Variants in DISC1 observed in about 807,000 individuals in gnomAD.
The protein encoded by DISC1 is disrupted in schizophrenia 1 protein.
A neutral mutation model predicts 84.5 loss-of-function variants in DISC1; 57 were observed. That is an observed-to-expected ratio of 0.67 (90% CI 0.55 to 0.84). The LOEUF is 0.84. DISC1 is among the 40% of genes least tolerant of loss of function. The probability of loss-of-function intolerance (pLI) is 0.00; values close to 1 mark genes in which losing one functional copy is unlikely to be tolerated. For synonymous variants in DISC1, 411 were observed against 415.2 expected (o/e 0.99, Z 0.12); for missense variants, 1,000 against 1,057.8 (o/e 0.95, Z 0.76).
chr1:231,975,411 T>C (rs138838133), intron 10 of DISC1, among the ~76,000 whole-genome samples: 137 of 152,278 alleles, frequency 9.0e-4, no homozygotes, highest in African/African-American at 3.2e-3. Context: ...GAAAACAGTA[T>C]GGGGATTTCT....
chr1:231,721,940 T>G (rs1573239392), intron 3 of DISC1, among the ~76,000 whole-genome samples: 1 of 151,956 alleles, frequency 6.6e-6, no homozygotes, highest in Non-Finnish European at 1.5e-5. Flanking sequence ...GATCATGAGG[T>G]CAGGAGATTG....
At chr1:231,886,766 C>CTTT (rs2086723179) in intron 9 of DISC1, among the ~76,000 whole-genome samples, 848 of 84,376 alleles carry the variant, frequency 0.01, 10 homozygotes, top group Middle Eastern at 0.02. Context: ...TTCCTTCCTT[C>CTTT]CTTTCTTTCT....
chr1:231,893,261 GA>G (rs986405324), intron 9 of DISC1, among the ~76,000 whole-genome samples: 5 of 151,150 alleles, frequency 3.3e-5, no homozygotes, highest in South Asian at 2.1e-4. Flanking sequence ...AGATAAGGTT[GA>G]AAAAAAAACT....
chr1:232,000,339 G>A (rs980189973), intron 10 of DISC1, among the ~76,000 whole-genome samples: 6 of 152,170 alleles, frequency 3.9e-5, no homozygotes, highest in African/African-American at 1.4e-4. Flanking sequence ...CAATTGTAGA[G>A]TGAAGGTGAT....
chr1:232,006,717 G>A (rs1667493067), intron 10 of DISC1, among the ~76,000 whole-genome samples: 1 of 152,186 alleles, frequency 6.6e-6, no homozygotes, highest in Admixed American at 6.5e-5. Context: ...CATTTTCTGA[G>A]GAGAAATTCA....
At chr1:231,842,320 C>T (rs1019049226) in intron 9 of DISC1, among the ~76,000 whole-genome samples, 3 of 152,138 alleles carry the variant, frequency 2.0e-5, no homozygotes, top group South Asian at 4.1e-4. Flanking sequence ...CTTTTCGAGG[C>T]TATTAGTTTT....
intron 2 of DISC1, 62 bp from the exon 3 acceptor site, chr1:231,701,893 A>G: frequency 7.1e-7 from 1 of 1,406,000 alleles, no homozygotes; most frequent in Non-Finnish European, 9.7e-7. Context: ...CTTAGTTTTC[A>G]CAAAAATGTT....
chr1:231,844,677 A>G (rs115643818), intron 9 of DISC1, among the ~76,000 whole-genome samples: 1,578 of 152,252 alleles, frequency 0.01, 20 homozygotes, highest in African/African-American at 0.036. Flanking sequence ...ATCAATACCC[A>G]GCATTTTGGG....
At chr1:231,742,732 G>A (rs950559755) in intron 3 of DISC1, among the ~76,000 whole-genome samples, 2 of 151,978 alleles carry the variant, frequency 1.3e-5, no homozygotes, top group African/African-American at 4.8e-5. Context: ...ACATAACAGG[G>A]CTCCTTAGCT....
rs140033281 is a variant in DISC1, at chr1:231,787,434, G to A, written c.1635-7808G>A. Among the ~76,000 whole-genome samples, 560 of 152,082 alleles carry A rather than the reference G, an allele frequency of 3.7e-3. 4 individuals are homozygous for A. The highest frequency in any genetic ancestry group is 9.7e-3 in the African/African-American group (403 of 41,496). On this transcript the variant is annotated intron_variant, in intron 6 of 12. Transcript: ENST00000439617. ...TGAGAGCATGTGTGCTAGAGAGAGC[G>A]CTGGAGAGAGAGAGACAGAGAGAGA...
intron 10 of DISC1, among the ~76,000 whole-genome samples, chr1:231,969,234 G>C (rs1284329388): frequency 1.6e-5 from 2 of 127,470 alleles, no homozygotes; most frequent in Non-Finnish European, 3.1e-5. Context: ...TTGGCCAGCT[G>C]TTAGCACCTG....
intron 3 of DISC1, among the ~76,000 whole-genome samples, chr1:231,727,300 G>A (rs972132027): frequency 6.6e-6 from 1 of 152,068 alleles, no homozygotes; most frequent in Non-Finnish European, 1.5e-5. Flanking sequence ...GTATAAGATA[G>A]AATTTCATAT....
intron 1 of DISC1, among the ~76,000 whole-genome samples, chr1:231,641,579 G>A (rs375581291): frequency 2.0e-4 from 31 of 152,346 alleles, no homozygotes; most frequent in African/African-American, 6.0e-4. Flanking sequence ...CAAAGGGACC[G>A]GAGAGGGTTG....
intron 10 of DISC1, among the ~76,000 whole-genome samples, chr1:232,004,858 T>G: frequency 2.0e-5 from 1 of 49,454 alleles, no homozygotes; most frequent in South Asian, 8.6e-4. Flanking sequence ...TCTCCCTCCC[T>G]CCCTCCCTGC....
At chr1:231,822,156 G>A (rs2081546852) in intron 9 of DISC1, among the ~76,000 whole-genome samples, 1 of 152,146 alleles carries the variant, frequency 6.6e-6, no homozygotes, top group Admixed American at 6.6e-5. Flanking sequence ...GTCAAGGGGA[G>A]AGATTTAATC....
chr1:231,939,226 C>T (rs902254388), intron 9 of DISC1, among the ~76,000 whole-genome samples: 6 of 152,186 alleles, frequency 3.9e-5, no homozygotes, highest in African/African-American at 1.2e-4. Flanking sequence ...CTGCTCTAAG[C>T]ATTTTTACAA....
chr1:231,781,958 A>T (rs866924060), intron 6 of DISC1, among the ~76,000 whole-genome samples: 1 of 152,332 alleles, frequency 6.6e-6, no homozygotes, highest in Middle Eastern at 3.4e-3. Context: ...ATCAGTTAAG[A>T]GCACACCTTT....
intron 9 of DISC1, among the ~76,000 whole-genome samples, chr1:231,881,368 C>G (rs2086279686): frequency 6.6e-6 from 1 of 152,148 alleles, no homozygotes; most frequent in Non-Finnish European, 1.5e-5. Flanking sequence ...GGATCTGTTC[C>G]AGGCTTCTCT....
In DISC1 at chr1:231,651,591, C is replaced by A. The variant is rs561629182; in HGVS notation, c.67+24657C>A. The stretch of plus-strand genomic sequence containing the variant: ...CTGTCTGTTCTCATAGCTCAAACAC[C>A]ATGCTGGGAGAACCACTGCTCTCTT... On this transcript the variant is annotated intron_variant, in intron 1 of 12. Coordinates refer to ENST00000439617, the MANE Select transcript of DISC1 (RefSeq NM_018662.3). 2.0e-5 allele frequency among the ~76,000 whole-genome samples: 3 copies of A among 152,334 alleles called. No homozygotes were observed. In the South Asian group the frequency reaches 6.2e-4, roughly 32 times the overall value.
Sources: allele counts gnomAD v4.1 joint callset (sites outside exome capture counted in the v4.1 genomes callset), GRCh38; gene constraint gnomAD v4.1.1; transcripts MANE v1.5; gene names NCBI Gene and HGNC (gene_info 2026-07-23, HGNC 2026-07-21).